The following ESRRG variants were observed in gnomAD, a reference collection of about 807,000 sequenced individuals.
The protein encoded by ESRRG is estrogen related receptor gamma, also known as estrogen-related receptor gamma.
ESRRG carries 13 observed loss-of-function variants against 44.0 expected under a neutral mutation model. The ratio of observed to expected loss-of-function variants is 0.30; its 90% CI spans 0.19 to 0.47. The LOEUF (loss-of-function observed/expected upper bound fraction) is 0.47. ESRRG is among the 20% of genes least tolerant of loss of function. The probability of loss-of-function intolerance (pLI) is 1.00; values close to 1 mark genes in which losing one functional copy is unlikely to be tolerated. For synonymous variants in ESRRG, 215 were observed against 214.6 expected (o/e 1.00, Z -0.02); for missense variants, 395 against 580.6 (o/e 0.68, Z 3.29).
At chr1:216,622,352 C>T (rs577609195) in intron 3 of ESRRG, among the ~76,000 whole-genome samples, 15 of 152,194 alleles carry the variant, frequency 9.9e-5, no homozygotes, top group East Asian at 1.9e-4. Context: ...GTTCAGGAAC[C>T]GAACCCTGAT....
chr1:216,630,870 C>A (rs1165240250), intron 3 of ESRRG, among the ~76,000 whole-genome samples: 1 of 152,006 alleles, frequency 6.6e-6, no homozygotes, highest in East Asian at 1.9e-4. Flanking sequence ...AAAGAGAATG[C>A]TGTCCTGATG....
intron 2 of ESRRG, among the ~76,000 whole-genome samples, chr1:216,791,314 C>T (rs1441008301): frequency 6.6e-6 from 1 of 152,024 alleles, no homozygotes; most frequent in Non-Finnish European, 1.5e-5. Flanking sequence ...CCCTCTTTCT[C>T]CTGCTTGCTC....
At chr1:216,600,762 T>C (rs1422285363) in intron 3 of ESRRG, among the ~76,000 whole-genome samples, 1 of 152,204 alleles carries the variant, frequency 6.6e-6, no homozygotes, top group Non-Finnish European at 1.5e-5. Flanking sequence ...AGGGACCATG[T>C]CGTTTTCACC....
intron 1 of ESRRG, among the ~76,000 whole-genome samples, chr1:217,127,653 G>A (rs2092909605): frequency 6.6e-6 from 1 of 152,132 alleles, no homozygotes; most frequent in Non-Finnish European, 1.5e-5. Flanking sequence ...TAAAAACCCA[G>A]CTCTGCCACT....
rs144430827 is a variant in ESRRG at position 216,586,621 on chromosome 1, C to T, written c.590-18523G>A. Among the ~76,000 whole-genome samples, 1,007 of 138,716 alleles carry T rather than the reference C, an allele frequency of 7.3e-3. 7 individuals carry two copies. Among genetic ancestry groups the T allele is most frequent in the Non-Finnish European group, 0.011 (720 of 66,438 alleles). 91.0% of individuals were successfully genotyped at this position (138,716 alleles called of 152,430 possible). ...TTTTTGAGATGGAGTCTCACTCTGT[C>T]ACCCAGGTGCAGTGGCACCATCTCG... is the stretch of plus-strand genomic sequence containing the variant. On this transcript the variant is annotated intron_variant, in intron 3 of 6. Coordinates refer to ENST00000408911, the MANE Select transcript of ESRRG (RefSeq NM_001438.4).
chr1:216,780,157 C>T (rs773225700), intron 2 of ESRRG, among the ~76,000 whole-genome samples: 3 of 151,818 alleles, frequency 2.0e-5, no homozygotes, highest in Non-Finnish European at 4.4e-5. Flanking sequence ...AATGATTAAA[C>T]CTTAATACAA....
intron 2 of ESRRG, among the ~76,000 whole-genome samples, chr1:216,904,682 C>A (rs1371254172): frequency 1.3e-5 from 2 of 152,270 alleles, no homozygotes; most frequent in Admixed American, 6.5e-5. Flanking sequence ...AGCTTTCCAC[C>A]AACAACTCCC....
intron 3 of ESRRG, among the ~76,000 whole-genome samples, chr1:216,574,688 C>T (rs768589433): frequency 6.6e-6 from 1 of 151,966 alleles, no homozygotes; most frequent in Non-Finnish European, 1.5e-5. Flanking sequence ...AAGAAAGACG[C>T]AAATATTCAC....
chr1:217,066,751 C>T (rs2089777588), intron 1 of ESRRG, among the ~76,000 whole-genome samples: 1 of 152,166 alleles, frequency 6.6e-6, no homozygotes, highest in East Asian at 1.9e-4. Context: ...CATCCCTGGG[C>T]TCTATTCACT....
intron 2 of ESRRG, among the ~76,000 whole-genome samples, chr1:216,790,887 A>G (rs913743978): frequency 6.6e-6 from 1 of 152,152 alleles, no homozygotes; most frequent in African/African-American, 2.4e-5. Context: ...CTCTTAATGG[A>G]AAGGCCAAGA....
intron 2 of ESRRG, among the ~76,000 whole-genome samples, chr1:216,653,841 C>T (rs1227581929): frequency 2.6e-5 from 4 of 151,984 alleles, no homozygotes; most frequent in Non-Finnish European, 5.9e-5. Context: ...AAGCCAGGTG[C>T]AGTGGTTCAC....
chr1:216,787,199 A>C (rs189957275), intron 2 of ESRRG, among the ~76,000 whole-genome samples: 1 of 152,074 alleles, frequency 6.6e-6, no homozygotes, highest in Non-Finnish European at 1.5e-5. Flanking sequence ...TAATTGATAA[A>C]CGTTGTGTCT....
At chr1:216,732,726 T>C (rs2089090847) in intron 2 of ESRRG, among the ~76,000 whole-genome samples, 1 of 150,300 alleles carries the variant, frequency 6.7e-6, no homozygotes, top group Non-Finnish European at 1.5e-5. Flanking sequence ...ATTGCTGGAG[T>C]CCAGCAGTTC....
intron 1 of ESRRG, among the ~76,000 whole-genome samples, chr1:217,043,887 C>T (rs139574035): frequency 1.4e-4 from 21 of 151,928 alleles, no homozygotes; most frequent in Non-Finnish European, 2.4e-4. Flanking sequence ...CAGCTTCAGT[C>T]TCATCCCTTC....
intron 1 of ESRRG, among the ~76,000 whole-genome samples, chr1:217,034,175 T>C (rs1025086450): frequency 6.6e-6 from 1 of 152,214 alleles, no homozygotes; most frequent in Non-Finnish European, 1.5e-5. Flanking sequence ...TAATCTATAA[T>C]TTAATAGGCA....
intron 5 of ESRRG, among the ~76,000 whole-genome samples, chr1:216,529,061 C>T (rs1180240658): frequency 6.6e-6 from 1 of 152,130 alleles, no homozygotes; most frequent in Non-Finnish European, 1.5e-5. Context: ...GCCACTTAGA[C>T]ATGTTTCAGG....
rs12024199 is a variant in ESRRG, at chr1:216,613,214, T to C, written c.589+37759A>G. On this transcript the variant is annotated intron_variant, in intron 3 of 6. Coordinates refer to ENST00000408911, the MANE Select transcript of ESRRG (RefSeq NM_001438.4). Reference sequence around the variant, plus strand: ...TTTAAATACTATATTGGAAAATTTCTACATAAAGATTTGTAATGTGCCCCC... The same window carrying C: ...TTTAAATACTATATTGGAAAATTTCCACATAAAGATTTGTAATGTGCCCCC... 6.5e-3 allele frequency among the ~76,000 whole-genome samples: 986 copies of C among 152,302 alleles called. 28 individuals are homozygous for C. The highest frequency in any genetic ancestry group is 0.044 in the Admixed American group (677 of 15,294).
chr1:216,820,391 G>T (rs2095260183), intron 2 of ESRRG, among the ~76,000 whole-genome samples: 2 of 152,164 alleles, frequency 1.3e-5, no homozygotes, highest in South Asian at 4.1e-4. Flanking sequence ...CTCATAAAGG[G>T]TTATGTAAAT....
At chr1:216,779,552 T>TATAAATATATATTTTA (rs2093843871) in intron 2 of ESRRG, among the ~76,000 whole-genome samples, 1 of 17,626 alleles carries the variant, frequency 5.7e-5, no homozygotes, top group African/African-American at 1.8e-4. Flanking sequence ...ATATATATAA[T>TATAAATATATATTTTA]TATATATTAT....
Sources: allele counts gnomAD v4.1 joint callset (sites outside exome capture counted in the v4.1 genomes callset), GRCh38; gene constraint gnomAD v4.1.1; transcripts MANE v1.5; gene names NCBI Gene and HGNC (gene_info 2026-07-23, HGNC 2026-07-21).